PLEKHA6: variants seen among roughly 807,000 people sequenced by gnomAD.
PLEKHA6 encodes the protein pleckstrin homology domain containing A6, also known as pleckstrin homology domain-containing family A member 6.
A neutral mutation model predicts 116.7 loss-of-function variants in PLEKHA6; 60 were observed. That is an observed-to-expected ratio of 0.51 (90% CI 0.42 to 0.64). PLEKHA6 has a LOEUF of 0.64. PLEKHA6 is among the 30% of genes least tolerant of loss of function. PLEKHA6 has a pLI of 0.00. For missense variants in PLEKHA6, 1,338 were observed against 1,422.7 expected, an observed-to-expected ratio of 0.94 and a Z score of 0.96; for synonymous variants, 489 against 556.1, an observed-to-expected ratio of 0.88 and a Z score of 1.70.
intron 9 of PLEKHA6, chr1:204,251,457 G>GGGTGC: frequency 1.5e-6 from 1 of 681,446 alleles, no homozygotes. Context: ...CCTCATCCTA[G>GGGTGC]ATGGGCAACT....
rs78447932 is a variant in PLEKHA6, at chr1:204,365,396, G to C, written c.218+2403C>G. Among the ~76,000 whole-genome samples, 485 of 152,322 alleles carry C rather than the reference G, an allele frequency of 3.2e-3. 3 individuals carry two copies. Among genetic ancestry groups the C allele is most frequent in the East Asian group, 6.4e-3 (33 of 5,192 alleles). Reference sequence around the variant, plus strand: ...AGAGTCCATGTGGGCCTGAACTCAGGCCATGGCTATGGAGATATCGAGAAG... The same window carrying C: ...AGAGTCCATGTGGGCCTGAACTCAGCCCATGGCTATGGAGATATCGAGAAG... On this transcript the variant is annotated intron_variant, in intron 3 of 4. Transcript: ENST00000564627.
intron 5 of PLEKHA6, among the ~76,000 whole-genome samples, chr1:204,266,357 G>A (rs1056017692): frequency 2.6e-5 from 4 of 152,186 alleles, no homozygotes; most frequent in African/African-American, 7.2e-5. Context: ...CCATTTTGGT[G>A]TGTCCTGAGC....
intron 17 of PLEKHA6, among the ~76,000 whole-genome samples, chr1:204,236,154 G>A (rs139542008): frequency 0.011 from 1,727 of 152,308 alleles, 14 homozygotes; most frequent in Non-Finnish European, 0.018. Flanking sequence ...CATAGTGTTG[G>A]ATCAGGCTGA....
intron 2 of PLEKHA6, among the ~76,000 whole-genome samples, chr1:204,370,524 T>C (rs536286073): frequency 6.6e-6 from 1 of 152,308 alleles, no homozygotes; most frequent in South Asian, 2.1e-4. Flanking sequence ...ACCTAGGCCT[T>C]GTGATTCTTG....
At chr1:204,297,193 C>A in intron 1 of PLEKHA6, 1 of 982,610 alleles carries the variant, frequency 1.0e-6, no homozygotes, top group Non-Finnish European at 1.2e-6. Context: ...CTGGCTCTAA[C>A]ATTTGTCTTT....
At chr1:204,239,615 G>T (rs1662521804) in intron 17 of PLEKHA6, among the ~76,000 whole-genome samples, 1 of 152,142 alleles carries the variant, frequency 6.6e-6, no homozygotes, top group Admixed American at 6.5e-5. Flanking sequence ...GTGTGGCAGT[G>T]GGCTCATGCT....
At chr1:204,255,384 GGTGGCATTAATTATTCAT>G (rs770022590) in intron 9 of PLEKHA6, among the ~76,000 whole-genome samples, 4 of 152,146 alleles carry the variant, frequency 2.6e-5, no homozygotes, top group Non-Finnish European at 5.9e-5. Flanking sequence ...AGAAATAAGA[GGTGGCATTAATTATTCAT>G]GTGCCTACTT....
intron 7 of PLEKHA6, among the ~76,000 whole-genome samples, chr1:204,260,801 A>G (rs1199564033): frequency 2.0e-5 from 3 of 152,202 alleles, no homozygotes; most frequent in Non-Finnish European, 4.4e-5. Flanking sequence ...AGTTTACTGC[A>G]TGTTGAGTGT....
rs527810742 is a variant in PLEKHA6 at position 204,257,679 on chromosome 1, C to T, written c.1198G>A (p.Gly400Ser). The T allele has an allele frequency of 1.8e-5, 29 of 1,610,442 alleles. No homozygotes were observed. The African/African-American group carries it at 3.5e-4, about 19-fold the overall frequency. Reference protein sequence around the residue: ...EDKRHAFRNGGGPAYQLREWK... With the variant: ...EDKRHAFRNGSGPAYQLREWK... ...TCTCGCAGCTGGTAGGCAGGGCCAC[C>T]CCCATTGCGGAAGGCATGGCGCTTG... The change falls in exon 9 of 23, where the codon GGT becomes AGT. Residue 400 changes from glycine (G) to serine (S), a missense_variant. Coordinates refer to ENST00000272203, the MANE Select transcript of PLEKHA6 (RefSeq NM_014935.5). This position sits in a 1 kb window ranked among gnomAD's most constrained non-coding sequence, Gnocchi z 6.5.
intron 17 of PLEKHA6, 48 bp from the exon 18 acceptor site, chr1:204,230,634 C>T (rs200166651): frequency 6.7e-7 from 1 of 1,490,690 alleles, no homozygotes; most frequent in East Asian, 2.4e-5. Context: ...TATCCCCCAC[C>T]CAGCTTTTCC....
chr1:204,220,143 T>C lies in PLEKHA6; in HGVS notation c.*2645A>G, dbSNP rs1196400621. Reference sequence around the variant, plus strand: ...TCGTACACTGACATCCTTAGTGCTGTTTGGCATAGGCTGCTGTTACGCTGT... The same window carrying C: ...TCGTACACTGACATCCTTAGTGCTGCTTGGCATAGGCTGCTGTTACGCTGT... On this transcript the variant is annotated 3_prime_UTR_variant, in exon 23 of 23. Transcript: ENST00000272203. 7 of 152,204 alleles carry C rather than the reference T, an allele frequency of 4.6e-5. No individual in the cohort carries two copies. Among genetic ancestry groups the C allele is most frequent in the Non-Finnish European group, 1.0e-4 (7 of 68,050 alleles). The allele number at this position is 152,204 out of a possible 1,614,324, so 9.4% of individuals were successfully genotyped here.
chr1:204,255,750 A>G, intron 9 of PLEKHA6: 2 of 695,744 alleles, frequency 2.9e-6, no homozygotes, highest in South Asian at 3.0e-5. Context: ...AGAAAACAAT[A>G]AAAAAAGAAG....
At chr1:204,347,459 C>T (rs1171399442) in intron 1 of PLEKHA6, among the ~76,000 whole-genome samples, 2 of 151,336 alleles carry the variant, frequency 1.3e-5, no homozygotes, top group East Asian at 1.9e-4. Flanking sequence ...ACATGCTCTA[C>T]AATTTGTGCA....
chr1:204,278,448 C>T (rs945197721), intron 1 of PLEKHA6, among the ~76,000 whole-genome samples: 7 of 152,216 alleles, frequency 4.6e-5, no homozygotes, highest in African/African-American at 7.2e-5. Flanking sequence ...AGTCTGTTGA[C>T]ATCACAGTCT....
At chr1:204,305,628 G>T (rs1045661965) in intron 1 of PLEKHA6, among the ~76,000 whole-genome samples, 1 of 152,178 alleles carries the variant, frequency 6.6e-6, no homozygotes, top group Admixed American at 6.5e-5. Context: ...GAGCTGCAAA[G>T]CACTGTACAA....
At chr1:204,358,605 C>A (rs1426772091) in intron 1 of PLEKHA6, among the ~76,000 whole-genome samples, 1 of 152,146 alleles carries the variant, frequency 6.6e-6, no homozygotes, top group Admixed American at 6.5e-5. Flanking sequence ...GCAGAGTGCA[C>A]CACTCAAGTG....
At chr1:204,237,144 T>G (rs1294120539) in intron 17 of PLEKHA6, among the ~76,000 whole-genome samples, 5 of 152,136 alleles carry the variant, frequency 3.3e-5, no homozygotes, top group Non-Finnish European at 7.3e-5. Context: ...GGAGGTCAGG[T>G]AATTAATGGA....
intron 2 of PLEKHA6, 178 bp downstream of exon 2, chr1:204,274,551 G>A (rs1237049592): frequency 1.0e-6 from 1 of 964,110 alleles, no homozygotes; most frequent in Non-Finnish European, 1.2e-6. Context: ...GTGGATGAGG[G>A]TGTCAAGCCA....
intron 1 of PLEKHA6, among the ~76,000 whole-genome samples, chr1:204,307,645 C>T (rs1671437060): frequency 6.6e-6 from 1 of 152,254 alleles, no homozygotes; most frequent in African/African-American, 2.4e-5. Context: ...CCCCCAGTTC[C>T]TCGGGTCTGA....
Sources: allele counts gnomAD v4.1 joint callset (sites outside exome capture counted in the v4.1 genomes callset), GRCh38; gene constraint gnomAD v4.1.1; non-coding constraint Gnocchi (gnomAD v3.1); transcripts MANE v1.5; gene names NCBI Gene and HGNC (gene_info 2026-07-23, HGNC 2026-07-21).